ASIC2: variants seen among roughly 807,000 people sequenced by gnomAD.
ASIC2 encodes acid sensing ion channel subunit 2, also known as acid-sensing ion channel 2.
In ASIC2, 25 loss-of-function variants were observed where a neutral mutation model predicts 57.3. The observed-to-expected ratio is 0.44, with a 90% CI of 0.32 to 0.61. ASIC2 has a LOEUF of 0.61. Among genes scored for constraint, ASIC2 ranks in the 20% least tolerant of loss-of-function variants. ASIC2 has a pLI of 0.06. For missense variants in ASIC2, 641 were observed against 738.1 expected, an observed-to-expected ratio of 0.87 and a Z score of 1.52; for synonymous variants, 319 against 307.5, an observed-to-expected ratio of 1.04 and a Z score of -0.39.
intron 1 of ASIC2, among the ~76,000 whole-genome samples, chr17:33,714,660 G>A (rs1315155500): frequency 2.0e-5 from 3 of 152,182 alleles, no homozygotes; most frequent in Non-Finnish European, 4.4e-5. Flanking sequence ...TTAGGCTTTG[G>A]AGGGAGAACA....
intron 1 of ASIC2, among the ~76,000 whole-genome samples, chr17:34,008,157 T>C (rs1291311097): frequency 6.6e-6 from 1 of 152,236 alleles, no homozygotes; most frequent in Non-Finnish European, 1.5e-5. Flanking sequence ...ATTTAACCAT[T>C]CTCCAAATGC....
At chr17:33,438,743 G>C (rs955038443) in intron 1 of ASIC2, among the ~76,000 whole-genome samples, 1 of 151,706 alleles carries the variant, frequency 6.6e-6, no homozygotes, top group African/African-American at 2.4e-5. Flanking sequence ...CTCCTTTGTC[G>C]TTAGAGAGCA....
intron 1 of ASIC2, among the ~76,000 whole-genome samples, chr17:33,457,246 C>CTT (rs5820041): frequency 7.5e-4 from 107 of 143,316 alleles, no homozygotes; most frequent in African/African-American, 2.6e-3. Context: ...TTTTGTTTTT[C>CTT]TTTTTTTTTT....
At chr17:33,768,656 G>A (rs889123517) in intron 1 of ASIC2, among the ~76,000 whole-genome samples, 5 of 152,188 alleles carry the variant, frequency 3.3e-5, no homozygotes, top group African/African-American at 9.6e-5. Flanking sequence ...GAAATCTGTG[G>A]TCCAGAGTGA....
chr17:33,158,910 T>C (rs1363150457), intron 1 of ASIC2, among the ~76,000 whole-genome samples: 1 of 152,224 alleles, frequency 6.6e-6, no homozygotes, highest in Non-Finnish European at 1.5e-5. Flanking sequence ...GGAATTCATG[T>C]GTTGCTGGAG....
intron 1 of ASIC2, among the ~76,000 whole-genome samples, chr17:34,060,561 A>T (rs1908935313): frequency 6.6e-6 from 1 of 152,230 alleles, no homozygotes; most frequent in Non-Finnish European, 1.5e-5. Flanking sequence ...AAGGGACCAG[A>T]GAAAGGTGAA....
intron 3 of ASIC2, among the ~76,000 whole-genome samples, chr17:33,055,835 G>A (rs1298213282): frequency 2.6e-5 from 4 of 152,256 alleles, no homozygotes; most frequent in African/African-American, 4.8e-5. Context: ...TGTCTCCTCC[G>A]TGATAAATGG....
intron 3 of ASIC2, among the ~76,000 whole-genome samples, chr17:33,058,833 A>G (rs574242460): frequency 1.4e-4 from 22 of 152,338 alleles, no homozygotes; most frequent in Non-Finnish European, 2.5e-4. Flanking sequence ...CTCTATGTAC[A>G]AAGATGTTCA....
intron 1 of ASIC2, among the ~76,000 whole-genome samples, chr17:33,666,627 G>A (rs1399689373): frequency 1.3e-5 from 2 of 152,148 alleles, no homozygotes; most frequent in African/African-American, 2.4e-5. Flanking sequence ...AGAGCTGCTC[G>A]GAGGGTCCCT....
chr17:33,803,178 A>T (rs1912177915), intron 1 of ASIC2, among the ~76,000 whole-genome samples: 1 of 152,228 alleles, frequency 6.6e-6, no homozygotes, highest in African/African-American at 2.4e-5. Context: ...GGAATTTCCA[A>T]GCACTCTACA....
At chr17:33,147,068 T>C (rs1173982690) in intron 1 of ASIC2, among the ~76,000 whole-genome samples, 1 of 152,222 alleles carries the variant, frequency 6.6e-6, no homozygotes, top group African/African-American at 2.4e-5. Flanking sequence ...ATTCCACATC[T>C]GAAGTAAGAA....
At chr17:33,891,429 G>A (rs940668267) in intron 1 of ASIC2, among the ~76,000 whole-genome samples, 29 of 152,046 alleles carry the variant, frequency 1.9e-4, no homozygotes, top group Admixed American at 1.4e-3. Context: ...TGAGGTCATC[G>A]GCCTACTATA....
chr17:33,381,830 A>T (rs1314386735), intron 1 of ASIC2, among the ~76,000 whole-genome samples: 1 of 152,154 alleles, frequency 6.6e-6, no homozygotes, highest in East Asian at 1.9e-4. Flanking sequence ...AGTTCCATAA[A>T]ATTCTCTGAA....
At chr17:33,495,389 C>T (rs1487384892) in intron 1 of ASIC2, among the ~76,000 whole-genome samples, 1 of 152,192 alleles carries the variant, frequency 6.6e-6, no homozygotes, top group Non-Finnish European at 1.5e-5. Flanking sequence ...GTCCAAGTGC[C>T]ATGGCCAACT....
At chr17:33,058,583 T>G (rs1404356516) in intron 3 of ASIC2, among the ~76,000 whole-genome samples, 6 of 152,158 alleles carry the variant, frequency 3.9e-5, no homozygotes. Flanking sequence ...ACAATTCTAC[T>G]GCTGGCAGGC....
intron 1 of ASIC2, among the ~76,000 whole-genome samples, chr17:33,256,464 C>A (rs1386013461): frequency 6.6e-6 from 1 of 152,102 alleles, no homozygotes; most frequent in Non-Finnish European, 1.5e-5. Context: ...TTACACTCTG[C>A]ATTTTTTAAA....
chr17:33,492,544 T>C (rs969563163), intron 1 of ASIC2, among the ~76,000 whole-genome samples: 3 of 152,232 alleles, frequency 2.0e-5, no homozygotes, highest in Non-Finnish European at 4.4e-5. Context: ...ATCTTTGGTC[T>C]CCTTCCTCTT....
chr17:33,204,005 C>T (rs1906970957), intron 1 of ASIC2, among the ~76,000 whole-genome samples: 1 of 152,248 alleles, frequency 6.6e-6, no homozygotes, highest in African/African-American at 2.4e-5. Context: ...TGGAATCAAG[C>T]TGCTATTTGG....
At chr17:33,520,690 G>A (rs1914714769) in intron 1 of ASIC2, among the ~76,000 whole-genome samples, 1 of 152,264 alleles carries the variant, frequency 6.6e-6, no homozygotes, top group South Asian at 2.1e-4. Flanking sequence ...TATGAAGGGT[G>A]GAGGAGCAAG....
Sources: allele counts gnomAD v4.1 joint callset (sites outside exome capture counted in the v4.1 genomes callset), GRCh38; gene constraint gnomAD v4.1.1; transcripts MANE v1.5; gene names NCBI Gene and HGNC (gene_info 2026-07-23, HGNC 2026-07-21).